The following SKA2 variants were observed in gnomAD, a reference collection of about 807,000 sequenced individuals.
SKA2 encodes the protein spindle and kinetochore associated complex subunit 2, also known as spindle and kinetochore-associated protein 2.
SKA2 carries 13 observed loss-of-function variants against 16.9 expected under a neutral mutation model. That is an observed-to-expected ratio of 0.77 (90% confidence interval 0.50 to 1.22). The LOEUF is 1.22. Ranked by LOEUF, SKA2 falls within the 50% of genes most tolerant of loss-of-function variation. The probability of loss-of-function intolerance (pLI) is 0.00; values close to 1 mark genes in which losing one functional copy is unlikely to be tolerated. For synonymous variants in SKA2, 47 were observed against 48.5 expected, an observed-to-expected ratio of 0.97 and a Z score of 0.13; for missense variants, 107 against 139.7, an observed-to-expected ratio of 0.77 and a Z score of 1.18.
chr17:59,116,323 A>C (rs1403339642), intron 3 of SKA2, among the ~76,000 whole-genome samples: 2 of 152,246 alleles, frequency 1.3e-5, no homozygotes, highest in Non-Finnish European at 2.9e-5. Context: ...CTGTGAGCCA[A>C]GATTGTGCCA....
chr17:59,112,334 C>T lies in SKA2; in HGVS notation c.309G>A (p.Leu103=). Residue 103 remains leucine, a synonymous_variant, in exon 4 of 4, where the codon CTG becomes CTA. Transcript: ENST00000330137. ...QKQTDLELSP[L]TKEEKTAAEQ... ...CTGCCGCAGTTTTCTCTTCTTTAGT[C>T]AGTGGTGACAGCTAGAAAATAAATG... The T allele has an allele frequency of 6.2e-7, 1 of 1,608,456 alleles. No homozygotes were observed. Among genetic ancestry groups the T allele is most frequent in the Non-Finnish European group, 8.5e-7 (1 of 1,178,458 alleles).
intron 2 of SKA2, among the ~76,000 whole-genome samples, chr17:59,121,921 A>G (rs1403501841): frequency 6.6e-6 from 1 of 151,484 alleles, no homozygotes; most frequent in East Asian, 1.9e-4. Context: ...GTAGTGATCC[A>G]AGATCACGCC....
In SKA2 at chr17:59,111,245, A is replaced by C. The variant is rs550354455; in HGVS notation, c.*1032T>G. On this transcript the variant is annotated 3_prime_UTR_variant, in exon 4 of 4. Transcript: ENST00000330137. The stretch of plus-strand genomic sequence containing the variant: ...CTGCTTTCCCTCTCCCCCACTTAGC[A>C]TAGTTTCAGCATTTCCCAGAACATT... The C allele has an allele frequency of 6.6e-6, 1 of 152,192 alleles. No individual in the cohort carries two copies. Among genetic ancestry groups the C allele is most frequent in the Non-Finnish European group, 1.5e-5 (1 of 68,036 alleles). The allele number at this position is 152,192 out of a possible 1,614,324, so 9.4% of individuals were successfully genotyped here. A position where few individuals can be genotyped will look rare whatever the true frequency, so the allele number is the denominator to read the frequency against.
At chr17:59,132,077 C>T (rs115140547) in intron 1 of SKA2, among the ~76,000 whole-genome samples, 1 of 152,120 alleles carries the variant, frequency 6.6e-6, no homozygotes, top group Non-Finnish European at 1.5e-5. Flanking sequence ...CAGTATTGGC[C>T]GGGCACAGTG....
rs1339328832 is a variant in SKA2, at chr17:59,111,570, G to C, written c.*707C>G. On this transcript the variant is annotated 3_prime_UTR_variant, in exon 4 of 4. Transcript: ENST00000330137. The stretch of plus-strand genomic sequence containing the variant: ...ATTTCAGTTTCCTAGCTTTCATGTA[G>C]AATGAACAATTATAGTAATAAAGGC... 1 of 152,138 alleles carries C rather than the reference G, an allele frequency of 6.6e-6. No individual in the cohort carries two copies. Among genetic ancestry groups the C allele is most frequent in the Non-Finnish European group, 1.5e-5 (1 of 68,040 alleles). 9.4% of individuals were successfully genotyped at this position (152,138 alleles called of 1,614,324 possible). A position where few individuals can be genotyped will look rare whatever the true frequency, so the allele number is the denominator to read the frequency against.
At chr17:59,115,213 C>A (rs2046288492) in intron 3 of SKA2, among the ~76,000 whole-genome samples, 2 of 151,948 alleles carry the variant, frequency 1.3e-5, no homozygotes, top group South Asian at 4.1e-4. Context: ...GCCACCATGC[C>A]TGGCTAATTT....
intron 1 of SKA2, among the ~76,000 whole-genome samples, chr17:59,142,526 G>A (rs1422699239): frequency 6.6e-6 from 1 of 151,740 alleles, no homozygotes; most frequent in East Asian, 1.9e-4. Flanking sequence ...TCGACCTCAG[G>A]TGATCCACCC....
intron 1 of SKA2, among the ~76,000 whole-genome samples, chr17:59,149,168 C>T (rs2046557881): frequency 6.6e-6 from 1 of 152,048 alleles, no homozygotes; most frequent in African/African-American, 2.4e-5. Flanking sequence ...ATCAGGCTAC[C>T]AGAAATCCCA....
At chr17:59,138,734 T>G (rs574900947) in intron 1 of SKA2, among the ~76,000 whole-genome samples, 10 of 152,166 alleles carry the variant, frequency 6.6e-5, no homozygotes, top group African/African-American at 2.4e-4. Flanking sequence ...GCCCAGCCTG[T>G]TCTAGTCTAG....
intron 1 of SKA2, among the ~76,000 whole-genome samples, chr17:59,147,882 G>A: frequency 6.6e-6 from 1 of 150,492 alleles, no homozygotes; most frequent in Non-Finnish European, 1.5e-5. Context: ...TCACTCTGTT[G>A]CCCAGGCAGG....
intron 2 of SKA2, chr17:59,129,237 C>T (rs745546679): frequency 2.0e-5 from 3 of 151,918 alleles, no homozygotes; most frequent in Admixed American, 1.3e-4. Flanking sequence ...TAGTTCCAGG[C>T]ACTTGGCGGA....
chr17:59,122,168 A>G (rs1325431554), intron 2 of SKA2, among the ~76,000 whole-genome samples: 1 of 152,122 alleles, frequency 6.6e-6, no homozygotes, highest in Admixed American at 6.6e-5. Context: ...GAATTAGTGA[A>G]AAGTATATAG....
intron 1 of SKA2, among the ~76,000 whole-genome samples, chr17:59,135,388 C>T (rs1354070743): frequency 6.7e-6 from 1 of 148,562 alleles, no homozygotes; most frequent in Non-Finnish European, 1.5e-5. Context: ...GCAATCTCAG[C>T]TCACTGCACC....
intron 1 of SKA2, among the ~76,000 whole-genome samples, chr17:59,132,359 C>CAA (rs61261962): frequency 1.5e-4 from 21 of 141,696 alleles, no homozygotes; most frequent in South Asian, 2.3e-4. Context: ...TCCGTCTCCA[C>CAA]AAAAAAAAAA....
intron 1 of SKA2, among the ~76,000 whole-genome samples, chr17:59,148,827 A>AG (rs2046555015): frequency 7.0e-6 from 1 of 142,348 alleles, no homozygotes; most frequent in South Asian, 2.2e-4. Context: ...AAAAAAAAAA[A>AG]AAAGAAAAGA....
intron 1 of SKA2, among the ~76,000 whole-genome samples, chr17:59,140,638 T>C (rs1415371768): frequency 1.3e-5 from 2 of 151,416 alleles, no homozygotes; most frequent in African/African-American, 4.9e-5. Context: ...TGAGATGGAG[T>C]CTTGCTCAGT....
chr17:59,117,015 C>T (rs1026396299), intron 3 of SKA2, among the ~76,000 whole-genome samples: 1 of 151,878 alleles, frequency 6.6e-6, no homozygotes, highest in African/African-American at 2.4e-5. Flanking sequence ...TGGGGTTTCA[C>T]CATGTCAGCC....
chr17:59,154,659 C>A (rs2046607793), intron 1 of SKA2, among the ~76,000 whole-genome samples: 1 of 152,186 alleles, frequency 6.6e-6, no homozygotes, highest in African/African-American at 2.4e-5. Flanking sequence ...CTCGGCCCGC[C>A]TTTTAGAACG....
At chr17:59,119,964 A>G (rs1308569567) in intron 2 of SKA2, among the ~76,000 whole-genome samples, 9 of 150,738 alleles carry the variant, frequency 6.0e-5, no homozygotes, top group Admixed American at 1.3e-4. Flanking sequence ...GCTGGAGTGC[A>G]GTGGCGCAAT....
Sources: allele counts gnomAD v4.1 joint callset (sites outside exome capture counted in the v4.1 genomes callset), GRCh38; gene constraint gnomAD v4.1.1; transcripts MANE v1.5; gene names NCBI Gene and HGNC (gene_info 2026-07-23, HGNC 2026-07-21).